Variants in LRIT3 observed in about 807,000 individuals in gnomAD.
LRIT3 encodes leucine rich repeat, Ig-like and transmembrane domains 3.
In LRIT3, 14 loss-of-function variants were observed where a neutral mutation model predicts 22.6. The observed-to-expected ratio is 0.62, with a 90% CI of 0.41 to 0.97. LRIT3 has a LOEUF of 0.97. Ranked by LOEUF, LRIT3 falls within the 50% of genes least tolerant of loss-of-function variation. LRIT3 has a pLI of 0.00. For synonymous variants in LRIT3, 306 were observed against 304.5 expected (o/e 1.01, Z -0.05); for missense variants, 783 against 803.0 (o/e 0.98, Z 0.30).
intron 2 of LRIT3, among the ~76,000 whole-genome samples, chr4:109,860,699 T>C (rs1734515861): frequency 6.6e-6 from 1 of 152,234 alleles, no homozygotes; most frequent in Non-Finnish European, 1.5e-5. Flanking sequence ...AAGTTCTGTG[T>C]TTCTTTCCAG....
At chr4:109,849,609 AT>A (rs149562980) in intron 1 of LRIT3, among the ~76,000 whole-genome samples, 2,283 of 150,426 alleles carry the variant, frequency 0.015, 44 homozygotes, top group African/African-American at 0.051. Context: ...TGAGATACTT[AT>A]TTTATTTATT....
In LRIT3 at chr4:109,852,046, T is replaced by C. The variant is rs1350826863; in HGVS notation, c.589+70T>C. 4 of 1,386,458 alleles carry C rather than the reference T, an allele frequency of 2.9e-6. No homozygotes were observed. The African/African-American group carries it at 5.8e-5, about 20-fold the overall frequency. 85.9% of individuals were successfully genotyped at this position (1,386,458 alleles called of 1,614,324 possible). ...TATGCATAGCTTTTTTTGTCCAGTC[T>C]TTTAAAATTTGTTGGATTTGGCTTT... On this transcript the variant is annotated intron_variant, in intron 2 of 3. Coordinates refer to ENST00000594814, the MANE Select transcript of LRIT3 (RefSeq NM_198506.5).
chr4:109,868,591 A>G (rs561072384), intron 3 of LRIT3, among the ~76,000 whole-genome samples: 2 of 151,084 alleles, frequency 1.3e-5, no homozygotes, highest in African/African-American at 2.4e-5. Context: ...GGGCTTTTGT[A>G]CAAGTCTCTC....
rs1734805878 is a variant in LRIT3, at chr4:109,870,471, TGAA to T, written c.1724_1726del (p.Glu575del). 3 of 1,614,224 alleles carry T rather than the reference TGAA, an allele frequency of 1.9e-6. No individual in the cohort carries two copies. Among genetic ancestry groups the T allele is most frequent in the Non-Finnish European group, 2.5e-6 (3 of 1,180,026 alleles). On this transcript the variant is annotated inframe_deletion, in exon 4 of 4. Transcript: ENST00000594814. ...GCATCACCTTTTCTACTGAAAGAGT[TGAA>T]GGAGATGATTCTCAATGGTCTCTCC... is the stretch of plus-strand genomic sequence containing the variant.
chr4:109,855,427 T>G (rs1734376158), intron 2 of LRIT3, among the ~76,000 whole-genome samples: 1 of 152,216 alleles, frequency 6.6e-6, no homozygotes, highest in Non-Finnish European at 1.5e-5. Context: ...GATTCTTCTC[T>G]CTTTTCTTCT....
At chr4:109,865,998 A>G (rs1484670471) in intron 2 of LRIT3, among the ~76,000 whole-genome samples, 1 of 152,224 alleles carries the variant, frequency 6.6e-6, no homozygotes, top group Non-Finnish European at 1.5e-5. Flanking sequence ...GATTAACAAG[A>G]TTAAATATAA....
chr4:109,857,428 A>G (rs1001189464), intron 2 of LRIT3, among the ~76,000 whole-genome samples: 1 of 152,146 alleles, frequency 6.6e-6, no homozygotes. Context: ...GTGTAAATCA[A>G]TCTGTTGTCT....
At position 109,848,311 on chromosome 4, in the gene LRIT3, G is replaced by C; in HGVS notation, c.110G>C (p.Gly37Ala). 7 of 1,230,226 alleles carry C rather than the reference G, an allele frequency of 5.7e-6. No homozygotes were observed. Among genetic ancestry groups the C allele is most frequent in the Non-Finnish European group, 7.1e-6 (7 of 986,290 alleles). The allele number at this position is 1,230,226 out of a possible 1,614,324, so 76.2% of individuals were successfully genotyped here. The change falls in exon 1 of 4, where the codon GGA becomes GCA. Residue 37 changes from glycine (G) to alanine (A), a missense_variant. Gly to Ala is a moderately conservative substitution (Grantham distance 60). This residue lies in a region of LRIT3 where 27 missense variants were observed against 49.2 expected (regional missense o/e 0.55). Coordinates refer to ENST00000594814, the MANE Select transcript of LRIT3 (RefSeq NM_198506.5). ...TATCACGGCAGAAATGACGGCTCAG[G>C]ATCAAGGTATGCTCCTCTGCTTGTT... ...CDYHGRNDGS[G>A]SRLVLCNDMD...
At position 109,870,302 on chromosome 4, in the gene LRIT3, T is replaced by C. The variant is rs749767894; in HGVS notation, c.1553T>C (p.Leu518Ser). ...ACACATAACTCTGCAGTGACTGTGT[T>C]GTATTCCAAGTATGGTGGGAAGGAC... ...NTTHNSAVTV[L>S]YSKYGGKDLL... The change falls in exon 4 of 4, where the codon TTG becomes TCG. Residue 518 changes from leucine to serine, a missense_variant. By Grantham distance (145) the Leu-to-Ser change is moderately radical. Around this residue, in one of 2 missense-constraint regions of LRIT3, gnomAD observed 756 missense variants for 753.8 expected, o/e 1.00. Transcript: ENST00000594814. The C allele has an allele frequency of 6.2e-7, 1 of 1,614,216 alleles. No individual in the cohort carries two copies. The highest frequency in any genetic ancestry group is 8.5e-7 in the Non-Finnish European group (1 of 1,180,030).
intron 2 of LRIT3, among the ~76,000 whole-genome samples, chr4:109,855,971 C>T (rs1168197357): frequency 1.3e-5 from 2 of 152,126 alleles, no homozygotes; most frequent in African/African-American, 4.8e-5. Flanking sequence ...GTTTATAGCC[C>T]TATCTTATCC....
chr4:109,869,189 A>G (rs1314671709), intron 3 of LRIT3, among the ~76,000 whole-genome samples: 1 of 152,204 alleles, frequency 6.6e-6, no homozygotes, highest in Non-Finnish European at 1.5e-5. Context: ...TACCATGAAA[A>G]CATATAATAA....
intron 2 of LRIT3, among the ~76,000 whole-genome samples, chr4:109,866,524 G>A (rs931380296): frequency 3.3e-5 from 5 of 152,228 alleles, no homozygotes; most frequent in African/African-American, 7.2e-5. Flanking sequence ...AGCAAATTTC[G>A]ATTCCTTTAT....
At chr4:109,862,178 T>G (rs1169410086) in intron 2 of LRIT3, among the ~76,000 whole-genome samples, 2 of 152,192 alleles carry the variant, frequency 1.3e-5, no homozygotes, top group African/African-American at 4.8e-5. Context: ...ATTGCTCACT[T>G]TTCACACAAA....
rs747984845 is a variant in LRIT3, at chr4:109,869,880, A to T, written c.1131A>T (p.Thr377=). 5 of 1,614,040 alleles carry T rather than the reference A, an allele frequency of 3.1e-6. No individual in the cohort carries two copies. The African/African-American group carries it at 5.3e-5, about 17-fold the overall frequency. The change falls in exon 4 of 4, where the codon ACA becomes ACT. Residue 377 remains threonine, a synonymous_variant. Coordinates refer to ENST00000594814, the MANE Select transcript of LRIT3 (RefSeq NM_198506.5). ...TCCAGCCGGGATCTGGAAGATCTAC[A>T]TCTGTATCTAGCGCATCATCATATC... is the stretch of plus-strand genomic sequence containing the variant. ...WDVQPGSGRS[T]SVSSASSYLW... is the part of the protein sequence containing the mutation.
intron 2 of LRIT3, among the ~76,000 whole-genome samples, chr4:109,858,699 G>A (rs1004728834): frequency 7.9e-5 from 12 of 152,182 alleles, no homozygotes; most frequent in Non-Finnish European, 1.8e-4. Context: ...AAAATTTAAT[G>A]TGAGCAATGC....
chr4:109,865,440 T>C (rs368699697), intron 2 of LRIT3, among the ~76,000 whole-genome samples: 3 of 152,324 alleles, frequency 2.0e-5, no homozygotes, highest in African/African-American at 7.2e-5. Flanking sequence ...TACATTATTA[T>C]AGGTGTTTTG....
chr4:109,867,174 C>T (rs1266718468), intron 2 of LRIT3, among the ~76,000 whole-genome samples: 3 of 152,064 alleles, frequency 2.0e-5, no homozygotes, highest in Non-Finnish European at 4.4e-5. Context: ...ATCTTTATTA[C>T]TGTATTATGG....
chr4:109,861,266 T>A (rs1734538781), intron 2 of LRIT3, among the ~76,000 whole-genome samples: 1 of 150,600 alleles, frequency 6.6e-6, no homozygotes. Flanking sequence ...GCTACTCAGG[T>A]GAGGTAGGAG....
chr4:109,859,153 GAC>G (rs1388661334), intron 2 of LRIT3, among the ~76,000 whole-genome samples: 1 of 152,096 alleles, frequency 6.6e-6, no homozygotes, highest in East Asian at 1.9e-4. Context: ...AAAAATAATA[GAC>G]ACACACAAGA....
Sources: gnomAD v4.1 joint callset for allele counts (sites outside exome capture counted in the v4.1 genomes callset) on GRCh38, gnomAD v4.1.1 for gene constraint, gnomAD v4.1.1 regional missense constraint, MANE v1.5 for transcripts, NCBI Gene and HGNC (gene_info 2026-07-23, HGNC 2026-07-21) for gene names.